XKR6: variants seen among roughly 807,000 people sequenced by gnomAD.
XKR6 encodes the protein XK-related protein 6.
XKR6 carries 22 observed loss-of-function variants against 56.7 expected under a neutral mutation model. The ratio of observed to expected loss-of-function variants is 0.39; its 90% CI spans 0.28 to 0.55. XKR6 has a LOEUF of 0.55. Ranked by LOEUF, XKR6 falls within the 20% of genes least tolerant of loss-of-function variation. XKR6 has a pLI of 0.66. For missense variants in XKR6, 852 were observed against 889.0 expected (o/e 0.96, Z 0.53); for synonymous variants, 524 against 387.8 (o/e 1.35, Z -4.13).
intron 1 of XKR6, among the ~76,000 whole-genome samples, chr8:10,960,062 C>A (rs1326801531): frequency 6.6e-6 from 1 of 152,220 alleles, no homozygotes; most frequent in African/African-American, 2.4e-5. Context: ...TCACCCTAAT[C>A]CTGGCCCTGT....
At chr8:11,167,137 A>C (rs1802119639) in intron 1 of XKR6, among the ~76,000 whole-genome samples, 1 of 152,010 alleles carries the variant, frequency 6.6e-6, no homozygotes, top group Admixed American at 6.6e-5. Flanking sequence ...GTGCCCATAC[A>C]CCTCCCTGCA....
At chr8:10,955,181 C>G (rs2129128283) in intron 1 of XKR6, among the ~76,000 whole-genome samples, 1 of 152,132 alleles carries the variant, frequency 6.6e-6, no homozygotes, top group African/African-American at 2.4e-5. Context: ...CGGCTTCATT[C>G]TTTTGCATGT....
At position 10,972,083 on chromosome 8, in the gene XKR6, G is replaced by A. The variant is rs556314534; in HGVS notation, c.765-47253C>T. Among the ~76,000 whole-genome samples, 6 of 152,162 alleles carry A rather than the reference G, an allele frequency of 3.9e-5. No homozygotes were observed. The East Asian group carries it at 7.7e-4, about 20-fold the overall frequency. On this transcript the variant is annotated intron_variant, in intron 1 of 2. Transcript: ENST00000416569. ...ACCTGTTGTTAAATATTTCTGTTGC[G>A]AGTGCCAATCGCCTCTGGCTGGAAC...
At chr8:10,974,475 TC>T (rs576190787) in intron 1 of XKR6, among the ~76,000 whole-genome samples, 2 of 152,068 alleles carry the variant, frequency 1.3e-5, no homozygotes, top group South Asian at 4.2e-4. Context: ...CCCTGACCAA[TC>T]CTAAGCCTGG....
chr8:10,914,113 G>C (rs1028392973), intron 2 of XKR6, among the ~76,000 whole-genome samples: 1 of 152,168 alleles, frequency 6.6e-6, no homozygotes, highest in Non-Finnish European at 1.5e-5. Context: ...GTTCAGGATT[G>C]AATGGGTCTA....
In XKR6 at chr8:11,103,891, T is replaced by C. The variant is rs988685197; in HGVS notation, c.764+96685A>G. Among the ~76,000 whole-genome samples, 14 of 152,242 alleles carry C rather than the reference T, an allele frequency of 9.2e-5. 1 individual carries two copies. The highest frequency in any genetic ancestry group is 7.8e-4 in the Admixed American group (12 of 15,288). On this transcript the variant is annotated intron_variant, in intron 1 of 2. Transcript: ENST00000416569. ...TGTTCAAAATAAATTCAATTCAAAA[T>C]TTTAATGGCAAAGTAATGCCTTCCA...
chr8:11,020,293 C>T (rs1034155011), intron 1 of XKR6, among the ~76,000 whole-genome samples: 5 of 152,178 alleles, frequency 3.3e-5, no homozygotes, highest in African/African-American at 4.8e-5. Context: ...CATCCCGACA[C>T]GGAAGCACAA....
At chr8:11,127,155 C>T (rs192160534) in intron 1 of XKR6, among the ~76,000 whole-genome samples, 130 of 152,192 alleles carry the variant, frequency 8.5e-4, no homozygotes, top group African/African-American at 3.1e-3. Flanking sequence ...TCCGGCAATC[C>T]CACTTCTTAA....
chr8:11,104,876 G>C (rs373002241), intron 1 of XKR6: 2 of 152,144 alleles, frequency 1.3e-5, no homozygotes, highest in Non-Finnish European at 2.9e-5. Flanking sequence ...CGTTATGTGA[G>C]GTTTCAGTGC....
chr8:11,001,627 C>A (rs1280428379), intron 1 of XKR6, among the ~76,000 whole-genome samples: 1 of 152,220 alleles, frequency 6.6e-6, no homozygotes, highest in African/African-American at 2.4e-5. Flanking sequence ...TCAGCAGGGC[C>A]CCCCATTCCT....
At position 10,898,273 on chromosome 8, in the gene XKR6, C is replaced by G; in HGVS notation, c.1605G>C (p.Gly535=). 1 of 1,614,058 alleles carries G rather than the reference C, an allele frequency of 6.2e-7. No individual in the cohort carries two copies. Among genetic ancestry groups the G allele is most frequent in the African/African-American group, 1.3e-5 (1 of 75,022 alleles). The change falls in exon 3 of 3, where the codon GGG becomes GGC. Residue 535 remains glycine (G), a synonymous_variant. Transcript: ENST00000416569. This position sits in a 1 kb window ranked among gnomAD's most constrained non-coding sequence, Gnocchi z 6.6. ...DVEPMAPEIP[G]YRGTQVTPTR... Reference sequence around the variant, plus strand: ...TGGGCGTAACCTGGGTCCCCCGGTACCCAGGGATCTCAGGCGCCATGGGCT... The same window carrying G: ...TGGGCGTAACCTGGGTCCCCCGGTAGCCAGGGATCTCAGGCGCCATGGGCT...
At chr8:11,002,270 T>A (rs2129143353) in intron 1 of XKR6, 1 of 176,888 alleles carries the variant, frequency 5.7e-6, no homozygotes, top group African/African-American at 2.4e-5. Context: ...ACTTTCCTTG[T>A]ATTGTAAAGA....
intron 1 of XKR6, among the ~76,000 whole-genome samples, chr8:11,168,150 C>A (rs1382838940): frequency 6.6e-6 from 1 of 152,110 alleles, no homozygotes; most frequent in Non-Finnish European, 1.5e-5. Context: ...GCAACAAAAT[C>A]CTAAGGCATA....
chr8:10,981,954 T>C (rs1418679115), intron 1 of XKR6, among the ~76,000 whole-genome samples: 1 of 152,250 alleles, frequency 6.6e-6, no homozygotes, highest in African/African-American at 2.4e-5. Context: ...CTATTCACAA[T>C]TCCAATGGCT....
At chr8:10,912,462 T>TAGAG (rs758680509) in intron 2 of XKR6, among the ~76,000 whole-genome samples, 2 of 118,824 alleles carry the variant, frequency 1.7e-5, no homozygotes, top group East Asian at 2.2e-4. Flanking sequence ...TATATATATA[T>TAGAG]ATATAGAGAG....
chr8:11,143,062 T>A (rs952588008), intron 1 of XKR6, among the ~76,000 whole-genome samples: 2 of 152,204 alleles, frequency 1.3e-5, no homozygotes, highest in African/African-American at 4.8e-5. Flanking sequence ...AGGAGAAGCA[T>A]CTTCTTATAC....
chr8:10,908,162 G>C (rs1468045036), intron 2 of XKR6, among the ~76,000 whole-genome samples: 1 of 152,202 alleles, frequency 6.6e-6, no homozygotes, highest in African/African-American at 2.4e-5. Context: ...CCGGGCAGAA[G>C]ACTGTGCTCA....
At chr8:11,077,176 C>G (rs570075083) in intron 1 of XKR6, among the ~76,000 whole-genome samples, 1 of 152,138 alleles carries the variant, frequency 6.6e-6, no homozygotes, top group Non-Finnish European at 1.5e-5. Flanking sequence ...GACTCTGTCT[C>G]TAAGAAAAAC....
chr8:11,145,163 C>G (rs1800919263), intron 1 of XKR6, among the ~76,000 whole-genome samples: 1 of 152,144 alleles, frequency 6.6e-6, no homozygotes, highest in Non-Finnish European at 1.5e-5. Context: ...AGGAAATGCT[C>G]ACTGGAGCAT....
Sources: gnomAD v4.1 joint callset for allele counts (sites outside exome capture counted in the v4.1 genomes callset) on GRCh38, gnomAD v4.1.1 for gene constraint, Gnocchi (gnomAD v3.1) non-coding constraint, MANE v1.5 for transcripts, NCBI Gene and HGNC (gene_info 2026-07-23, HGNC 2026-07-21) for gene names.